ANO6: variants seen among roughly 807,000 people sequenced by gnomAD.
ANO6 encodes the protein anoctamin-6.
In ANO6, 106 loss-of-function variants were observed where a neutral mutation model predicts 117.5. The observed-to-expected ratio is 0.90, with a 90% CI of 0.77 to 1.06. The LOEUF (loss-of-function observed/expected upper bound fraction) is 1.06. ANO6 is among the 50% of genes least tolerant of loss of function. The pLI, the probability that ANO6 is intolerant of heterozygous loss-of-function variation, is 0.00. For synonymous variants in ANO6, 367 were observed against 385.1 expected (o/e 0.95, Z 0.55); for missense variants, 955 against 1,121.1 (o/e 0.85, Z 2.12).
At chr12:45,435,731 C>T (rs917180023), downstream of ANO6, among the ~76,000 whole-genome samples, 2 of 151,194 alleles carry the variant, frequency 1.3e-5, no homozygotes, top group African/African-American at 4.9e-5. Context: ...AAAATGAAGG[C>T]AAGGTCTGGG....
rs559406573 is a variant in ANO6 at position 45,227,739 on chromosome 12, T to C, written c.70+11348T>C. On this transcript the variant is annotated intron_variant, in intron 1 of 19. Coordinates refer to ENST00000320560, the MANE Select transcript of ANO6 (RefSeq NM_001025356.3). ...GTTGCTTTCTATCATGTTATGCATA[T>C]AGGAACTGCTCAATAGTGGTATTAT... Among the ~76,000 whole-genome samples the C allele has an allele frequency of 4.6e-5, 7 of 152,276 alleles. No homozygotes were observed. The South Asian group carries it at 1.5e-3, about 32-fold the overall frequency.
chr12:45,222,795 C>T (rs1947424071), intron 1 of ANO6, among the ~76,000 whole-genome samples: 1 of 152,206 alleles, frequency 6.6e-6, no homozygotes, highest in Admixed American at 6.5e-5. Flanking sequence ...AGAAGGGATC[C>T]TGCCCCATAC....
chr12:45,266,122 C>T (rs574507207), intron 1 of ANO6, among the ~76,000 whole-genome samples: 1 of 152,306 alleles, frequency 6.6e-6, no homozygotes, highest in Admixed American at 6.5e-5. Flanking sequence ...CCTGAACTGC[C>T]TGTACCACAT....
At chr12:45,412,212 C>G (rs1162394677) in intron 16 of ANO6, among the ~76,000 whole-genome samples, 3 of 152,138 alleles carry the variant, frequency 2.0e-5, no homozygotes, top group Non-Finnish European at 4.4e-5. Flanking sequence ...AACCTGGAAG[C>G]CATAAATACT....
At chr12:45,338,199 C>G (rs1389815151) in intron 3 of ANO6, among the ~76,000 whole-genome samples, 1 of 152,000 alleles carries the variant, frequency 6.6e-6, no homozygotes, top group Non-Finnish European at 1.5e-5. Context: ...AAAAACAAAA[C>G]TGGTTGTTCC....
chr12:45,411,143 A>T (rs988250741), intron 16 of ANO6, among the ~76,000 whole-genome samples: 1 of 152,202 alleles, frequency 6.6e-6, no homozygotes, highest in Admixed American at 6.5e-5. Flanking sequence ...GTCATTTATT[A>T]TTTTTAAAAA....
intron 1 of ANO6, among the ~76,000 whole-genome samples, chr12:45,300,338 G>A (rs924375006): frequency 4.6e-5 from 7 of 152,032 alleles, no homozygotes; most frequent in Admixed American, 2.0e-4. Context: ...ACACCATCAC[G>A]CCCGGCTAAT....
chr12:45,292,582 G>C (rs1385448444), intron 1 of ANO6: 1 of 948,970 alleles, frequency 1.1e-6, no homozygotes, highest in African/African-American at 1.7e-5. Context: ...AAAAGCATTA[G>C]GTAATCCAGT....
intron 2 of ANO6, among the ~76,000 whole-genome samples, chr12:45,315,351 G>C (rs1472604492): frequency 6.6e-6 from 1 of 152,022 alleles, no homozygotes; most frequent in East Asian, 1.9e-4. Flanking sequence ...GAGAAGCAAC[G>C]TGCAGACAGT....
intron 3 of ANO6, among the ~76,000 whole-genome samples, chr12:45,333,229 G>A (rs1940726924): frequency 6.6e-6 from 1 of 151,798 alleles, no homozygotes; most frequent in Non-Finnish European, 1.5e-5. Flanking sequence ...TCCCATTTGG[G>A]ATTTTCTTAA....
chr12:45,293,729 GTTTTTTTTTTTTTTTT>G (rs138396024), intron 1 of ANO6, among the ~76,000 whole-genome samples: 1,034 of 48,462 alleles, frequency 0.021, 20 homozygotes, highest in African/African-American at 0.073. Context: ...CCTGGCTAAT[GTTTTTTTTTTTTTTTT>G]TTTTTTTTTT....
intron 16 of ANO6, 81 bp from the exon 17 acceptor site, chr12:45,416,618 C>T: frequency 7.2e-7 from 1 of 1,388,104 alleles, no homozygotes; most frequent in Admixed American, 1.8e-5. Context: ...GTTCGTTTGC[C>T]TTTCTCTTTC....
intron 2 of ANO6, among the ~76,000 whole-genome samples, chr12:45,306,117 C>T (rs971702953): frequency 6.6e-6 from 1 of 152,122 alleles, no homozygotes; most frequent in African/African-American, 2.4e-5. Context: ...GGATAGAAAT[C>T]AGGCTGTGGT....
At position 45,416,716 on chromosome 12, in the gene ANO6, G is replaced by A. The variant is rs761048570; in HGVS notation, c.2029G>A (p.Val677Ile). ...YLEMIIQFGFVTLFVASFPLA... is the reference protein window; with the variant it reads ...YLEMIIQFGFITLFVASFPLA... ...ATTGACAGTTATTCAGTTTGGGTTC[G>A]TCACCTTATTTGTGGCCTCTTTTCC... The change falls in exon 17 of 20, where the codon GTC (valine) becomes ATC (isoleucine). Residue 677 changes from valine (V) to isoleucine (I), a missense_variant. Val to Ile is a conservative substitution (Grantham distance 29). Transcript: ENST00000320560. 69 of 1,613,868 alleles carry A rather than the reference G, an allele frequency of 4.3e-5. 1 individual carries two copies. Among genetic ancestry groups the A allele is most frequent in the South Asian group, 3.2e-4 (29 of 91,070 alleles).
chr12:45,311,769 C>T (rs1349167320), intron 2 of ANO6, among the ~76,000 whole-genome samples: 2 of 151,948 alleles, frequency 1.3e-5, no homozygotes, highest in Admixed American at 1.3e-4. Context: ...AATGCTTGAA[C>T]CAGGCCATGT....
At position 45,334,344 on chromosome 12, in the gene ANO6, C is replaced by T. The variant is rs189459665; in HGVS notation, c.279+2921C>T. On this transcript the variant is annotated intron_variant, in intron 3 of 19. Transcript: ENST00000320560. ...TTCTCATTTAAGTAGTCTAGAGATACAGCCATTTCTGGATTAGTTTATTGG... is the reference window on the plus strand; with the variant it reads ...TTCTCATTTAAGTAGTCTAGAGATATAGCCATTTCTGGATTAGTTTATTGG... Among the ~76,000 whole-genome samples, 40 of 152,200 alleles carry T rather than the reference C, an allele frequency of 2.6e-4. No homozygotes were observed. The South Asian group carries it at 7.3e-3, about 28-fold the overall frequency.
intron 3 of ANO6, among the ~76,000 whole-genome samples, chr12:45,336,301 A>G (rs1257636512): frequency 6.6e-6 from 1 of 152,156 alleles, no homozygotes; most frequent in African/African-American, 2.4e-5. Context: ...TTTTTGCCTA[A>G]TAAGATAGTA....
chr12:45,299,918 CA>C (rs1939425097), intron 1 of ANO6, among the ~76,000 whole-genome samples: 1 of 152,022 alleles, frequency 6.6e-6, no homozygotes, highest in African/African-American at 2.4e-5. Flanking sequence ...AGTGAGGTGC[CA>C]AACCTAAGTA....
intron 8 of ANO6, among the ~76,000 whole-genome samples, chr12:45,360,761 A>C (rs879784537): frequency 6.6e-6 from 1 of 152,124 alleles, no homozygotes; most frequent in Non-Finnish European, 1.5e-5. Flanking sequence ...ATTTTGAGTT[A>C]ATTTTTGTAA....
Sources: gnomAD v4.1 joint callset for allele counts (sites outside exome capture counted in the v4.1 genomes callset) on GRCh38, gnomAD v4.1.1 for gene constraint, MANE v1.5 for transcripts, NCBI Gene and HGNC (gene_info 2026-07-23, HGNC 2026-07-21) for gene names.